Variants in NR3C2 observed in about 807,000 individuals in gnomAD.
NR3C2 encodes the protein mineralocorticoid receptor.
A neutral mutation model predicts 86.4 loss-of-function variants in NR3C2; 15 were observed. The ratio of observed to expected loss-of-function variants is 0.17; its 90% CI spans 0.12 to 0.27. The LOEUF is 0.27. NR3C2 is among the 10% of genes least tolerant of loss of function. NR3C2 has a pLI of 1.00. For synonymous variants in NR3C2, 458 were observed against 450.5 expected, an observed-to-expected ratio of 1.02 and a Z score of -0.21; for missense variants, 960 against 1,195.6, an observed-to-expected ratio of 0.80 and a Z score of 2.91.
At chr4:148,317,878 C>CTT (rs146579891) in intron 2 of NR3C2, among the ~76,000 whole-genome samples, 24 of 149,612 alleles carry the variant, frequency 1.6e-4, no homozygotes, top group Admixed American at 3.3e-4. Flanking sequence ...TTTTCTTTTT[C>CTT]TTTTTTTTTA....
intron 7 of NR3C2, among the ~76,000 whole-genome samples, chr4:148,114,729 T>C (rs1179459896): frequency 1.3e-5 from 2 of 152,222 alleles, no homozygotes; most frequent in South Asian, 2.1e-4. Context: ...TACTTCAAGA[T>C]AGTAAAATAT....
chr4:148,441,789 G>A (rs1356529120), intron 1 of NR3C2, among the ~76,000 whole-genome samples: 1 of 152,212 alleles, frequency 6.6e-6, no homozygotes, highest in East Asian at 1.9e-4. Context: ...CTCCGGCTGA[G>A]ATTTGGGAGC....
intron 2 of NR3C2, among the ~76,000 whole-genome samples, chr4:148,312,604 A>T (rs572990775): frequency 6.6e-6 from 1 of 152,208 alleles, no homozygotes; most frequent in Non-Finnish European, 1.5e-5. Flanking sequence ...CGTGAAAGCC[A>T]CCTGCAAAAG....
At chr4:148,098,499 A>T (rs982858916) in intron 8 of NR3C2, among the ~76,000 whole-genome samples, 2 of 152,302 alleles carry the variant, frequency 1.3e-5, no homozygotes, top group Non-Finnish European at 2.9e-5. Context: ...CATGCAGTAG[A>T]CCTCAAAAAG....
chr4:148,115,703 ATCT>A (rs1381904831), intron 7 of NR3C2, among the ~76,000 whole-genome samples: 1 of 152,200 alleles, frequency 6.6e-6, no homozygotes, highest in Non-Finnish European at 1.5e-5. Flanking sequence ...TATGTTAATA[ATCT>A]TCTTGAGTTT....
In NR3C2 at chr4:148,081,351, C is replaced by T. The variant is rs183046347; in HGVS notation, c.2948G>A (p.Arg983Gln). 5 of 1,614,162 alleles carry T rather than the reference C, an allele frequency of 3.1e-6. No homozygotes were observed. Among genetic ancestry groups the T allele is most frequent in the East Asian group, 4.5e-5 (2 of 44,886 alleles). Reference sequence around the variant, plus strand: ...CTTCTGGGCAGCGGGCAGTCACTTCCGGTGGAAGTAGAGCGGCTTGGCGTT... The same window carrying T: ...CTTCTGGGCAGCGGGCAGTCACTTCTGGTGGAAGTAGAGCGGCTTGGCGTT... ...SGNAKPLYFH[R>Q]K Residue 983 changes from arginine (R) to glutamine (Q), a missense_variant, in exon 9 of 9, where the codon CGG becomes CAG. Transcript: ENST00000358102.
At position 148,081,461 on chromosome 4, in the gene NR3C2, G is replaced by A; in HGVS notation, c.2838C>T (p.Phe946=). Reference sequence around the variant, plus strand: ...CTACCTTCAGCGCATGGGACTCTCGGAAGGTGTAGAAGCAGAATTCCAGCA... The same window carrying A: ...CTACCTTCAGCGCATGGGACTCTCGAAAGGTGTAGAAGCAGAATTCCAGCA... ...SDLLEFCFYT[F]RESHALKVEF... is the part of the protein sequence containing the mutation. Residue 946 remains phenylalanine, a synonymous_variant, in exon 9 of 9, where the codon TTC becomes TTT. Transcript: ENST00000358102. 6.2e-7 allele frequency: 1 copy of A among 1,614,110 alleles called. No individual in the cohort carries two copies. The highest frequency in any genetic ancestry group is 8.5e-7 in the Non-Finnish European group (1 of 1,180,006).
intron 6 of NR3C2, among the ~76,000 whole-genome samples, chr4:148,127,482 A>G (rs1472817731): frequency 6.6e-6 from 1 of 152,228 alleles, no homozygotes; most frequent in Non-Finnish European, 1.5e-5. Flanking sequence ...AACAAAAGTA[A>G]ATCCATGACC....
At chr4:148,202,827 C>T (rs925549548) in intron 3 of NR3C2, among the ~76,000 whole-genome samples, 5 of 152,104 alleles carry the variant, frequency 3.3e-5, no homozygotes, top group Admixed American at 2.6e-4. Context: ...TTCCTACTTT[C>T]CCAGATCTGG....
intron 3 of NR3C2, 131 bp from the exon 4 acceptor site, chr4:148,194,993 G>A: frequency 1.4e-6 from 1 of 714,486 alleles, no homozygotes; most frequent in Non-Finnish European, 2.4e-6. Flanking sequence ...AAAAGTACAT[G>A]ATTTGTGGAT....
chr4:148,195,672 C>T (rs756561961), intron 3 of NR3C2, among the ~76,000 whole-genome samples: 1 of 152,064 alleles, frequency 6.6e-6, no homozygotes, highest in Non-Finnish European at 1.5e-5. Flanking sequence ...ATCTATCAGT[C>T]CTATAGATGT....
rs1286281599 is a variant in NR3C2 at position 148,302,581 on chromosome 4, GC to G, written c.1758-42465del. On this transcript the variant is annotated intron_variant, in intron 2 of 8. Coordinates refer to ENST00000358102, the MANE Select transcript of NR3C2 (RefSeq NM_000901.5). ...TGGAGAAACCAGTTGTTTTACTAAG[GC>G]TTTGACTGAAAGGGTATGCTTCCCT... Among the ~76,000 whole-genome samples, 7 of 152,200 alleles carry G rather than the reference GC, an allele frequency of 4.6e-5. No individual in the cohort carries two copies. In the East Asian group the frequency reaches 1.4e-3, roughly 29 times the overall value.
chr4:148,271,970 A>T (rs1740706238), intron 2 of NR3C2, among the ~76,000 whole-genome samples: 2 of 152,066 alleles, frequency 1.3e-5, no homozygotes, highest in African/African-American at 4.8e-5. Flanking sequence ...ATCCACCTAA[A>T]CCTGTAGATT....
chr4:148,106,565 A>T (rs112667214), intron 8 of NR3C2, among the ~76,000 whole-genome samples: 4,059 of 152,276 alleles, frequency 0.027, 186 homozygotes, highest in African/African-American at 0.092. Flanking sequence ...AGACAATACT[A>T]AGAAAAAAGA....
At chr4:148,209,825 T>C (rs375530332) in intron 3 of NR3C2, among the ~76,000 whole-genome samples, 10 of 152,102 alleles carry the variant, frequency 6.6e-5, no homozygotes, top group East Asian at 5.8e-4. Context: ...CAGCCTTAAG[T>C]CTTGGTTTAA....
intron 6 of NR3C2, among the ~76,000 whole-genome samples, chr4:148,141,868 C>T (rs1300594912): frequency 6.6e-6 from 1 of 152,162 alleles, no homozygotes; most frequent in African/African-American, 2.4e-5. Flanking sequence ...CAACCTGAAA[C>T]CATCCCCACA....
At chr4:148,254,780 T>C (rs1044549705) in intron 3 of NR3C2, among the ~76,000 whole-genome samples, 1 of 152,174 alleles carries the variant, frequency 6.6e-6, no homozygotes, top group Admixed American at 6.5e-5. Context: ...GTCCTTGGTT[T>C]CCTATATCTG....
intron 2 of NR3C2, among the ~76,000 whole-genome samples, chr4:148,414,002 A>C (rs1441987698): frequency 6.6e-6 from 1 of 152,184 alleles, no homozygotes; most frequent in African/African-American, 2.4e-5. Flanking sequence ...ACATTTACAA[A>C]ATTTGTCTCT....
At chr4:148,298,263 C>T (rs1304225440) in intron 2 of NR3C2, among the ~76,000 whole-genome samples, 3 of 152,056 alleles carry the variant, frequency 2.0e-5, no homozygotes, top group African/African-American at 7.3e-5. Context: ...ATCTCAAAAA[C>T]ATTATGTGGA....
Sources: allele counts gnomAD v4.1 joint callset (sites outside exome capture counted in the v4.1 genomes callset), GRCh38; gene constraint gnomAD v4.1.1; transcripts MANE v1.5; gene names NCBI Gene and HGNC (gene_info 2026-07-23, HGNC 2026-07-21).